The following HK1 variants were observed in gnomAD, a reference collection of about 807,000 sequenced individuals.
The protein encoded by HK1 is hexokinase 1.
A neutral mutation model predicts 91.6 loss-of-function variants in HK1; 28 were observed. The ratio of observed to expected loss-of-function variants is 0.31; its 90% CI spans 0.23 to 0.42. The LOEUF is 0.42. Ranked by LOEUF, HK1 falls within the 10% of genes least tolerant of loss-of-function variation. HK1 has a pLI of 1.00. For missense variants in HK1, 770 were observed against 1,219.8 expected (o/e 0.63, Z 5.49); for synonymous variants, 430 against 468.1 (o/e 0.92, Z 1.05).
At chr10:69,345,932 C>T (rs1295772185) in intron 2 of HK1, among the ~76,000 whole-genome samples, 2 of 151,870 alleles carry the variant, frequency 1.3e-5, no homozygotes, top group African/African-American at 4.8e-5. Flanking sequence ...AGAAACGGCA[C>T]CCCCCCATTC....
intron 2 of HK1, among the ~76,000 whole-genome samples, chr10:69,347,302 C>T (rs956585249): frequency 6.6e-5 from 10 of 151,954 alleles, no homozygotes; most frequent in Admixed American, 2.0e-4. Context: ...TGAGCTACTG[C>T]GCCCGGCCAC....
At chr10:69,309,408 C>T (rs1045162556) in intron 5 of HK1, among the ~76,000 whole-genome samples, 100 of 145,274 alleles carry the variant, frequency 6.9e-4, no homozygotes, top group Middle Eastern at 3.5e-3. Flanking sequence ...GTCTCGATCT[C>T]CTGACCTTGT....
intron 2 of HK1, among the ~76,000 whole-genome samples, chr10:69,350,636 C>G (rs540825208): frequency 6.6e-6 from 1 of 151,010 alleles, no homozygotes; most frequent in African/African-American, 2.4e-5. Context: ...CACTCCAGCC[C>G]GGGCAACAGT....
At chr10:69,275,982 C>T (rs934515231) in intron 1 of HK1, among the ~76,000 whole-genome samples, 15 of 145,774 alleles carry the variant, frequency 1.0e-4, no homozygotes, top group Non-Finnish European at 1.0e-4. Flanking sequence ...CCCAGCTACT[C>T]AGGAGGTTGA....
chr10:69,364,625 A>G (rs1258650867), intron 3 of HK1, among the ~76,000 whole-genome samples, 158 bp from the exon 4 acceptor site: 1 of 152,196 alleles, frequency 6.6e-6, no homozygotes, highest in African/African-American at 2.4e-5. Context: ...CACACACAGC[A>G]TGGCTTTTCA....
At chr10:69,361,447 C>A (rs943693597) in intron 3 of HK1, among the ~76,000 whole-genome samples, 1 of 152,260 alleles carries the variant, frequency 6.6e-6, no homozygotes, top group Admixed American at 6.5e-5. Context: ...CCTGCACTTT[C>A]TGTTTGGAAC....
At chr10:69,355,891 C>T (rs7067927) in intron 2 of HK1, among the ~76,000 whole-genome samples, 61,967 of 151,996 alleles carry the variant, frequency 0.41, 13,013 homozygotes, top group South Asian at 0.54. Context: ...AAAGAATAGT[C>T]TTTTCAGCAA....
In HK1 at chr10:69,330,158, T is replaced by C. The variant is rs142403597; in HGVS notation, c.63+11148T>C. 3.6e-3 allele frequency among the ~76,000 whole-genome samples: 555 copies of C among 152,246 alleles called. 16 individuals carry two copies. Among genetic ancestry groups the C allele is most frequent in the Admixed American group, 0.031 (478 of 15,280 alleles). ...GACACATGGGGCTTGTCTTCAGCCA[T>C]GTTATTCACCCAGACCTCATGTCCC... On this transcript the variant is annotated intron_variant, in intron 1 of 17. Coordinates refer to ENST00000359426, the MANE Select transcript of HK1 (RefSeq NM_000188.3).
At chr10:69,310,536 T>TA (rs1846324028) in intron 5 of HK1, among the ~76,000 whole-genome samples, 1 of 152,134 alleles carries the variant, frequency 6.6e-6, no homozygotes, top group Admixed American at 6.5e-5. Flanking sequence ...GAACCCTGCC[T>TA]AGGTGTTGAC....
At chr10:69,300,954 A>T in intron 5 of HK1, 3 of 737,304 alleles carry the variant, frequency 4.1e-6, no homozygotes. Flanking sequence ...ATATACATAA[A>T]TCAATTGTAG....
At chr10:69,335,423 G>A (rs1847927164) in intron 1 of HK1, among the ~76,000 whole-genome samples, 1 of 152,220 alleles carries the variant, frequency 6.6e-6, no homozygotes. Flanking sequence ...GCAAGGCCAG[G>A]CAGCCATGCT....
chr10:69,338,531 G>A (rs1190154035), intron 1 of HK1: 19 of 1,289,658 alleles, frequency 1.5e-5, no homozygotes, highest in Non-Finnish European at 1.9e-5. Flanking sequence ...AGTGGAAGCA[G>A]CTGGAAGTGG....
chr10:69,289,460 AATTTTTTT>A (rs1235650653), intron 3 of HK1, among the ~76,000 whole-genome samples: 13 of 93,660 alleles, frequency 1.4e-4, no homozygotes, highest in South Asian at 4.2e-4. Context: ...TAAAAAAAAA[AATTTTTTT>A]TTTTTTTTTT....
intron 1 of HK1, among the ~76,000 whole-genome samples, chr10:69,336,973 G>A (rs1848026243): frequency 6.6e-6 from 1 of 151,972 alleles, no homozygotes; most frequent in South Asian, 2.1e-4. Flanking sequence ...GCATTGAGAT[G>A]AAAGGAGTTA....
intron 4 of HK1, chr10:69,300,314 G>T: frequency 2.6e-6 from 1 of 383,652 alleles, no homozygotes; most frequent in Non-Finnish European, 4.7e-6. Flanking sequence ...GTACTCTCTT[G>T]TGTCTGGTTT....
At chr10:69,288,549 A>T (rs1845135522) in intron 2 of HK1, 1 of 675,372 alleles carries the variant, frequency 1.5e-6, no homozygotes, top group Admixed American at 2.4e-5. Flanking sequence ...AATACTCTAG[A>T]AATGTGTCTG....
intron 1 of HK1, chr10:69,319,273 C>T (rs1846867283): frequency 1.0e-5 from 6 of 577,880 alleles, no homozygotes. Context: ...TTGAAACGGG[C>T]CCTGGATGTC....
rs914217649 is a variant in HK1, at chr10:69,384,788, C to G, written c.1720-8C>G. The G allele has an allele frequency of 1.2e-5, 20 of 1,614,066 alleles. No individual in the cohort carries two copies. The highest frequency in any genetic ancestry group is 1.7e-5 in the Non-Finnish European group (20 of 1,180,032). On this transcript the variant is annotated splice_polypyrimidine_tract_variant and splice_region_variant and intron_variant, in intron 11 of 17. Transcript: ENST00000359426. ...AGAGCACGGGCGATCCTTTCTTTTCCCCTGCAGCTGTTTGATCACATTGTC... is the reference window on the plus strand; with the variant it reads ...AGAGCACGGGCGATCCTTTCTTTTCGCCTGCAGCTGTTTGATCACATTGTC...
chr10:69,313,187 C>A (rs1471873955), upstream of HK1, among the ~76,000 whole-genome samples: 1 of 152,186 alleles, frequency 6.6e-6, no homozygotes, highest in Non-Finnish European at 1.5e-5. Flanking sequence ...GGCTTTTTGC[C>A]GGTAAATTCC....
Sources: gnomAD v4.1 joint callset for allele counts (sites outside exome capture counted in the v4.1 genomes callset) on GRCh38, gnomAD v4.1.1 for gene constraint, MANE v1.5 for transcripts, NCBI Gene and HGNC (gene_info 2026-07-23, HGNC 2026-07-21) for gene names.